The following ABCC2 variants were observed in gnomAD, a reference collection of about 807,000 sequenced individuals.
ABCC2 encodes the protein ATP binding cassette subfamily C member 2.
Under a neutral mutation model 173.4 loss-of-function variants are expected in ABCC2, and 157 were observed. That is an observed-to-expected ratio of 0.91 (90% CI 0.80 to 1.03). ABCC2 has a LOEUF of 1.03. ABCC2 is among the 50% of genes least tolerant of loss of function. The pLI, the probability that ABCC2 is intolerant of heterozygous loss-of-function variation, is 0.00. For missense variants in ABCC2, 1,822 were observed against 1,852.3 expected (o/e 0.98, Z 0.30); for synonymous variants, 657 against 693.5 (o/e 0.95, Z 0.83).
Position 99,814,225 on chromosome 10 carries a change from ACACATGTGTATATATG to A in ABCC2, c.2094+1086_2094+1101del, listed in dbSNP as rs1564683815. ...TATATACACACATGTGTATATATAC[ACACATGTGTATATATG>A]CACACACGTATGTATACACACGTAT... On this transcript the variant is annotated intron_variant, in intron 16 of 31. Transcript: ENST00000647814. Among the ~76,000 whole-genome samples the A allele has an allele frequency of 7.3e-4, 53 of 72,312 alleles. 1 individual carries two copies. Among genetic ancestry groups the A allele is most frequent in the Non-Finnish European group, 1.4e-3 (49 of 34,226 alleles). 47.4% of individuals were successfully genotyped at this position (72,312 alleles called of 152,430 possible).
At chr10:99,819,861 G>C (rs1041102080) in intron 19 of ABCC2, among the ~76,000 whole-genome samples, 1 of 152,244 alleles carries the variant, frequency 6.6e-6, no homozygotes, top group Non-Finnish European at 1.5e-5. Context: ...GTTAGCCCCA[G>C]TCAGCAGTGG....
Position 99,812,960 on chromosome 10 carries a change from A to AACT in ABCC2, c.1968-54_1968-52dup, listed in dbSNP as rs142015906. 317 of 1,601,566 alleles carry AACT rather than the reference A, an allele frequency of 2.0e-4. 1 individual carries two copies. The African/African-American group carries it at 3.7e-3, about 19-fold the overall frequency. On this transcript the variant is annotated intron_variant, in intron 15 of 31. Coordinates refer to ENST00000647814, the MANE Select transcript of ABCC2 (RefSeq NM_000392.5). ...CATGGAGACTCAGAGAAGTGACTTG[A>AACT]ACTACTCTTCAATACCCAACCCCTG...
rs1486374710 is a variant in ABCC2, at chr10:99,830,849, A to G, written c.2881A>G (p.Lys961Glu). The change falls in exon 21 of 32, where the codon AAG becomes GAG. Residue 961 changes from lysine (K) to glutamate (E), a missense_variant and splice_region_variant. By Grantham distance (56) the Lys-to-Glu change is moderately conservative (BLOSUM62 1). Coordinates refer to ENST00000647814, the MANE Select transcript of ABCC2 (RefSeq NM_000392.5). ...LIKKEFIETG[K>E]VKFSIYLEYL... ...TAAGAAGGAATTCATAGAAACTGGA[A>G]AGGTGAACACCACACAGAAAAGTAG... is the stretch of plus-strand genomic sequence containing the variant. 1 of 1,613,902 alleles carries G rather than the reference A, an allele frequency of 6.2e-7. No individual in the cohort carries two copies. The highest frequency in any genetic ancestry group is 8.5e-7 in the Non-Finnish European group (1 of 1,179,954).
chr10:99,796,678 C>T (rs1002111973), intron 6 of ABCC2, among the ~76,000 whole-genome samples: 1 of 152,010 alleles, frequency 6.6e-6, no homozygotes, highest in African/African-American at 2.4e-5. Context: ...GAGTAAGACT[C>T]TGTCTCAAAA....
chr10:99,850,872 C>T, intron 31 of ABCC2, 76 bp downstream of exon 31: 1 of 1,534,840 alleles, frequency 6.5e-7, no homozygotes, highest in Middle Eastern at 1.7e-4. Flanking sequence ...CCGGGAAACA[C>T]CTGATGGCAG....
Position 99,810,135 on chromosome 10 carries a change from C to T in ABCC2, c.1817C>T (p.Ala606Val). 1 of 1,613,178 alleles carries T rather than the reference C, an allele frequency of 6.2e-7. No individual in the cohort carries two copies. The highest frequency in any genetic ancestry group is 8.5e-7 in the Non-Finnish European group (1 of 1,179,254). ...LPMMISSMLQ[A>V]SVSTERLEKY... ...GAGATCCTTTGTGTCCTTCTCTAGG[C>T]CAGTGTTTCCACAGAGCGGCTAGAG... The change falls in exon 14 of 32, where the codon GCC (alanine) becomes GTC (valine). Residue 606 changes from alanine (A) to valine (V), a missense_variant and splice_region_variant. Physicochemically the swap from Ala to Val is moderately conservative, Grantham distance 64. Transcript: ENST00000647814.
intron 24 of ABCC2, among the ~76,000 whole-genome samples, chr10:99,835,854 T>C (rs971388782): frequency 5.9e-5 from 9 of 152,168 alleles, no homozygotes; most frequent in Non-Finnish European, 8.8e-5. Flanking sequence ...GAGGCTGCAG[T>C]GTGCTCTCCT....
chr10:99,793,739 C>A, intron 4 of ABCC2, 54 bp downstream of exon 4: 1 of 1,610,918 alleles, frequency 6.2e-7, no homozygotes, highest in Non-Finnish European at 8.5e-7. Context: ...CAACCTCTAA[C>A]TCATAGTAAA....
At chr10:99,841,106 C>G (rs2038936480) in intron 25 of ABCC2, among the ~76,000 whole-genome samples, 1 of 152,204 alleles carries the variant, frequency 6.6e-6, no homozygotes, top group Non-Finnish European at 1.5e-5. Context: ...TCCTTTCACC[C>G]TCAGCTTCTT....
rs562270687 is a variant in ABCC2, at chr10:99,783,103, T to C, written c.33+226T>C. Among the ~76,000 whole-genome samples, 95 of 152,344 alleles carry C rather than the reference T, an allele frequency of 6.2e-4. 3 individuals carry two copies. In the South Asian group the frequency reaches 0.017, roughly 28 times the overall value. On this transcript the variant is annotated intron_variant, in intron 1 of 31. Transcript: ENST00000647814. ...TCATATGTTTTTTTATATCAGACTC[T>C]TGTACTAGCTAGTCGCAAAATTGCC...
intron 30 of ABCC2, among the ~76,000 whole-genome samples, chr10:99,849,122 C>G (rs559811055): frequency 1.3e-5 from 2 of 152,284 alleles, no homozygotes; most frequent in East Asian, 3.9e-4. Flanking sequence ...AGTAATCCCT[C>G]AGGAGGCTGA....
At chr10:99,800,280 T>A in intron 8 of ABCC2, 106 bp from the exon 9 acceptor site, 2 of 1,214,438 alleles carry the variant, frequency 1.6e-6, no homozygotes, top group East Asian at 2.3e-5. Flanking sequence ...CTGGTCACTT[T>A]TGTTACCTAC....
chr10:99,804,140 GTGT>G lies in ABCC2; in HGVS notation c.1333_1335del (p.Val445del). 6.2e-7 allele frequency: 1 copy of G among 1,614,174 alleles called. No homozygotes were observed. Among genetic ancestry groups the G allele is most frequent in the Non-Finnish European group, 8.5e-7 (1 of 1,180,034 alleles). ...AACTTCATGCACATGCTGTGGTCAA[GTGT>G]TCTACAGATTGTCTTATCTATCTTC... is the stretch of plus-strand genomic sequence containing the variant. On this transcript the variant is annotated inframe_deletion, in exon 10 of 32. Transcript: ENST00000647814.
At chr10:99,836,396 G>A in intron 25 of ABCC2, 106 bp downstream of exon 25, 1 of 1,121,960 alleles carries the variant, frequency 8.9e-7, no homozygotes, top group Non-Finnish European at 1.3e-6. Context: ...AATTCACTCT[G>A]GCCACACACA....
rs376776235 is a variant in ABCC2, at chr10:99,830,288, C to T, written c.2621-19C>T. Reference sequence around the variant, plus strand: ...GGATCTATGCAGCTCTTTCCCTAACCTCTACTGTGTCTCCCTAGTCCATGA... The same window carrying T: ...GGATCTATGCAGCTCTTTCCCTAACTTCTACTGTGTCTCCCTAGTCCATGA... On this transcript the variant is annotated intron_variant, in intron 19 of 31. Coordinates refer to ENST00000647814, the MANE Select transcript of ABCC2 (RefSeq NM_000392.5). The T allele has an allele frequency of 1.2e-6, 2 of 1,613,976 alleles. No individual in the cohort carries two copies. The highest frequency in any genetic ancestry group is 1.6e-4 in the Middle Eastern group (1 of 6,076).
At chr10:99,805,507 G>C in intron 11 of ABCC2, 60 bp downstream of exon 11, 1 of 1,543,422 alleles carries the variant, frequency 6.5e-7, no homozygotes, top group African/African-American at 1.4e-5. Context: ...GGCTCTCTTG[G>C]CCTTTGCAAA....
chr10:99,815,961 C>G (rs1307706685), intron 16 of ABCC2, among the ~76,000 whole-genome samples: 2 of 150,762 alleles, frequency 1.3e-5, no homozygotes, highest in Non-Finnish European at 2.9e-5. Flanking sequence ...GTCTCCATTT[C>G]TGGTCTTGTT....
chr10:99,814,277 G>C (rs371210947), intron 16 of ABCC2, among the ~76,000 whole-genome samples: 1 of 38,320 alleles, frequency 2.6e-5, no homozygotes, highest in South Asian at 7.8e-4. Context: ...GTATACACAC[G>C]TATGTATACA....
At position 99,814,696 on chromosome 10, in the gene ABCC2, CAT is replaced by C. The variant is rs761187702; in HGVS notation, c.2094+1557_2094+1558del. 3.8e-4 allele frequency among the ~76,000 whole-genome samples: 52 copies of C among 136,508 alleles called. 2 individuals are homozygous for C. Among genetic ancestry groups the C allele is most frequent in the African/African-American group, 1.2e-3 (45 of 36,234 alleles). The allele number at this position is 136,508 out of a possible 152,430, so 89.6% of individuals were successfully genotyped here. A position where few individuals can be genotyped will look rare whatever the true frequency, so the allele number is the denominator to read the frequency against. On this transcript the variant is annotated intron_variant, in intron 16 of 31. Transcript: ENST00000647814. The stretch of plus-strand genomic sequence containing the variant: ...ACATATACACACACGTGTATATACA[CAT>C]ATATGTGTATACATGTATATACACA...
Sources: allele counts gnomAD v4.1 joint callset (sites outside exome capture counted in the v4.1 genomes callset), GRCh38; gene constraint gnomAD v4.1.1; transcripts MANE v1.5; gene names NCBI Gene and HGNC (gene_info 2026-07-23, HGNC 2026-07-21).